The following NWD1 variants were observed in gnomAD, a reference collection of about 807,000 sequenced individuals.
The protein encoded by NWD1 is NACHT domain- and WD repeat-containing protein 1.
NWD1 carries 129 observed loss-of-function variants against 135.1 expected under a neutral mutation model. The ratio of observed to expected loss-of-function variants is 0.96; its 90% CI spans 0.83 to 1.11. The LOEUF (loss-of-function observed/expected upper bound fraction) is 1.11, where lower values mean the gene tolerates loss of function less well. NWD1 is among the 50% of genes least tolerant of loss of function. The probability of loss-of-function intolerance (pLI) is 0.00; values close to 1 mark genes in which losing one functional copy is unlikely to be tolerated. For missense variants in NWD1, 1,740 were observed against 1,851.3 expected (o/e 0.94, Z 1.10); for synonymous variants, 773 against 786.0 (o/e 0.98, Z 0.28).
chr19:16,762,173 A>T, intron 8 of NWD1, 35 bp downstream of exon 8: 2 of 1,595,256 alleles, frequency 1.3e-6, no homozygotes, highest in East Asian at 2.3e-5. Flanking sequence ...CCCACCTGCA[A>T]CCTCCACCCT....
chr19:16,759,132 G>A, intron 6 of NWD1, 93 bp from the exon 7 acceptor site: 3 of 992,372 alleles, frequency 3.0e-6, no homozygotes, highest in South Asian at 1.4e-5. Flanking sequence ...GACACCGCGC[G>A]GGTGGCTGTA....
At chr19:16,810,429 C>T (rs1375146677) in intron 18 of NWD1, among the ~76,000 whole-genome samples, 1 of 128,814 alleles carries the variant, frequency 7.8e-6, no homozygotes, top group East Asian at 2.2e-4. Flanking sequence ...CAGAGTGAGA[C>T]TCCATCTCAA....
intron 12 of NWD1, among the ~76,000 whole-genome samples, chr19:16,783,002 C>CTT (rs764065279): frequency 1.3e-3 from 167 of 128,120 alleles, no homozygotes; most frequent in African/African-American, 5.5e-3. Context: ...CTTTCTCTCT[C>CTT]TCTTTCTTTC....
chr19:16,796,167 A>G lies in NWD1; in HGVS notation c.3305-1565A>G, dbSNP rs540862130. On this transcript the variant is annotated intron_variant, in intron 15 of 18. Coordinates refer to ENST00000524140, the MANE Select transcript of NWD1 (RefSeq NM_001007525.5). Reference sequence around the variant, plus strand: ...TTGGTTAAAAAGCATTATTCAGGCCAGGTGCAGTGGCTCACGCCTGTAATT... The same window carrying G: ...TTGGTTAAAAAGCATTATTCAGGCCGGGTGCAGTGGCTCACGCCTGTAATT... 2.0e-4 allele frequency among the ~76,000 whole-genome samples: 31 copies of G among 152,244 alleles called. No individual in the cohort carries two copies. In the South Asian group the frequency reaches 5.6e-3, roughly 28 times the overall value.
intron 11 of NWD1, among the ~76,000 whole-genome samples, chr19:16,776,551 G>A (rs1300199063): frequency 1.4e-5 from 2 of 146,412 alleles, no homozygotes; most frequent in Non-Finnish European, 3.0e-5. Context: ...CTGGGCGAAA[G>A]AGTAAAACTC....
intron 2 of NWD1, among the ~76,000 whole-genome samples, chr19:16,728,480 T>C (rs1293780977): frequency 6.6e-6 from 1 of 151,720 alleles, no homozygotes; most frequent in Non-Finnish European, 1.5e-5. Context: ...AGATGGGGTT[T>C]CACCATGCTG....
intron 5 of NWD1, among the ~76,000 whole-genome samples, chr19:16,747,382 T>TTTAC (rs1399619745): frequency 7.1e-6 from 1 of 140,192 alleles, no homozygotes; most frequent in African/African-American, 2.6e-5. Context: ...TATTTATTTA[T>TTTAC]TTAATTTTTT....
At chr19:16,808,259 G>A in intron 18 of NWD1, 123 bp downstream of exon 18, 1 of 900,904 alleles carries the variant, frequency 1.1e-6, no homozygotes, top group Admixed American at 2.5e-5. Flanking sequence ...TGATGAAAAT[G>A]AGGCACTTGG....
At chr19:16,801,075 C>T (rs912042196) in intron 17 of NWD1, among the ~76,000 whole-genome samples, 5 of 151,728 alleles carry the variant, frequency 3.3e-5, no homozygotes, top group African/African-American at 9.7e-5. Flanking sequence ...GTCGGGAGTT[C>T]GAGACCAGCC....
At chr19:16,772,807 C>A (rs972454217) in intron 10 of NWD1, among the ~76,000 whole-genome samples, 2 of 151,744 alleles carry the variant, frequency 1.3e-5, no homozygotes, top group African/African-American at 2.4e-5. Context: ...TGCACTCCAG[C>A]CGGGACAACA....
chr19:16,761,930 G>A (rs1350566537), intron 7 of NWD1, 49 bp from the exon 8 acceptor site: 1 of 1,541,794 alleles, frequency 6.5e-7, no homozygotes, highest in Non-Finnish European at 8.9e-7. Flanking sequence ...AGCCACCTTT[G>A]AGCTTGATGG....
At chr19:16,789,725 T>C (rs975212531) in intron 13 of NWD1, among the ~76,000 whole-genome samples, 7 of 149,344 alleles carry the variant, frequency 4.7e-5, no homozygotes, top group African/African-American at 1.5e-4. Context: ...TCTTTTTTTT[T>C]TTTTTTTTTT....
intron 4 of NWD1, 128 bp from the exon 5 acceptor site, chr19:16,744,293 C>T: frequency 1.4e-6 from 1 of 728,018 alleles, no homozygotes; most frequent in South Asian, 1.8e-5. Context: ...GGGAGGATCA[C>T]TTAAACCCAG....
chr19:16,726,589 G>A (rs145672105), intron 2 of NWD1, among the ~76,000 whole-genome samples: 44 of 152,058 alleles, frequency 2.9e-4, no homozygotes, highest in South Asian at 2.1e-4. Flanking sequence ...ACAGGCCTGC[G>A]CCACCACACC....
intron 7 of NWD1, among the ~76,000 whole-genome samples, chr19:16,760,171 GACTAA>G (rs112199207): frequency 0.044 from 6,596 of 151,388 alleles, 468 homozygotes; most frequent in African/African-American, 0.15. Flanking sequence ...AACTAAACTA[GACTAA>G]ACTAAACTAA....
intron 3 of NWD1, among the ~76,000 whole-genome samples, chr19:16,735,555 G>A (rs1266376558): frequency 6.6e-6 from 1 of 151,504 alleles, no homozygotes; most frequent in Admixed American, 6.6e-5. Flanking sequence ...CAGTCTGGGG[G>A]CAGTGGCTCA....
chr19:16,751,898 A>C (rs1484220505), intron 6 of NWD1, among the ~76,000 whole-genome samples: 1 of 151,574 alleles, frequency 6.6e-6, no homozygotes, highest in Non-Finnish European at 1.5e-5. Context: ...AAAGAAAGAG[A>C]AAGAGAGAAA....
Position 16,742,250 on chromosome 19 carries a change from C to T in NWD1, c.199-2171C>T, listed in dbSNP as rs139070797. 2.3e-4 allele frequency among the ~76,000 whole-genome samples: 35 copies of T among 151,984 alleles called. 1 individual carries two copies. The highest frequency in any genetic ancestry group is 8.2e-4 in the African/African-American group (34 of 41,458). ...ATTAGCCAGGCGTGGTGGCTCACGC[C>T]TGTAATCCCAGCTACTCAGGAGGCT... On this transcript the variant is annotated intron_variant, in intron 4 of 18. Coordinates refer to ENST00000524140, the MANE Select transcript of NWD1 (RefSeq NM_001007525.5).
intron 3 of NWD1, among the ~76,000 whole-genome samples, chr19:16,733,295 T>G (rs1599429510): frequency 6.6e-6 from 1 of 150,548 alleles, no homozygotes; most frequent in Non-Finnish European, 1.5e-5. Context: ...CCAAGGCGGG[T>G]AGATCACCTG....
Sources: gnomAD v4.1 joint callset for allele counts (sites outside exome capture counted in the v4.1 genomes callset) on GRCh38, gnomAD v4.1.1 for gene constraint, MANE v1.5 for transcripts, NCBI Gene and HGNC (gene_info 2026-07-23, HGNC 2026-07-21) for gene names.